Variants in CYRIB observed in about 807,000 individuals in gnomAD.
CYRIB encodes the protein CYFIP related Rac1 interactor B.
CYRIB carries 8 observed loss-of-function variants against 44.2 expected under a neutral mutation model. That is an observed-to-expected ratio of 0.18 (90% CI 0.11 to 0.33). The LOEUF is 0.33. Ranked by LOEUF, CYRIB falls within the 10% of genes least tolerant of loss-of-function variation. The pLI is 1.00. For synonymous variants in CYRIB, 131 were observed against 127.2 expected, an observed-to-expected ratio of 1.03 and a Z score of -0.20; for missense variants, 185 against 382.8, an observed-to-expected ratio of 0.48 and a Z score of 4.31.
intron 1 of CYRIB, among the ~76,000 whole-genome samples, chr8:129,984,149 A>C (rs1217656751): frequency 6.6e-6 from 1 of 152,220 alleles, no homozygotes; most frequent in Non-Finnish European, 1.5e-5. Context: ...AGCACTATTT[A>C]GGGCTGTGGC....
At chr8:129,970,439 A>C (rs1235978824) in intron 2 of CYRIB, 2 of 130,904 alleles carry the variant, frequency 1.5e-5, no homozygotes, top group Non-Finnish European at 3.2e-5. Context: ...TTTTTTTTTG[A>C]GACGGAGTCT....
At chr8:129,981,216 T>C (rs1564591087) in intron 1 of CYRIB, among the ~76,000 whole-genome samples, 1 of 152,044 alleles carries the variant, frequency 6.6e-6, no homozygotes, top group Non-Finnish European at 1.5e-5. Context: ...CTCGGCTCAC[T>C]GCAACCTCCA....
At chr8:129,925,316 T>C (rs1450620007) in intron 1 of CYRIB, among the ~76,000 whole-genome samples, 1 of 152,140 alleles carries the variant, frequency 6.6e-6, no homozygotes, top group Non-Finnish European at 1.5e-5. Flanking sequence ...GAGAATTGCT[T>C]GAACCAGGGA....
At chr8:130,008,103 G>C (rs2097145782) in intron 1 of CYRIB, among the ~76,000 whole-genome samples, 1 of 152,068 alleles carries the variant, frequency 6.6e-6, no homozygotes, top group South Asian at 2.1e-4. Flanking sequence ...CAGCTACTCG[G>C]GAGGCTGAGG....
chr8:129,882,349 TA>T (rs1408811364), intron 2 of CYRIB, among the ~76,000 whole-genome samples: 1 of 152,220 alleles, frequency 6.6e-6, no homozygotes, highest in African/African-American at 2.4e-5. Flanking sequence ...AAATTCCTAT[TA>T]TGAGGGTTAA....
At position 129,931,675 on chromosome 8, in the gene CYRIB, A is replaced by G. The variant is rs189277660; in HGVS notation, c.-50+7933T>C. Among the ~76,000 whole-genome samples, 70 of 152,264 alleles carry G rather than the reference A, an allele frequency of 4.6e-4. No homozygotes were observed. The South Asian group carries it at 0.01, about 22-fold the overall frequency. ...AGAGTCTCCCTCTGTCACCCAGGCT[A>G]GAATGCAGTGGCATGATCTTGGCTC... On this transcript the variant is annotated intron_variant, in intron 1 of 11. Coordinates refer to ENST00000519824, the Ensembl canonical transcript of CYRIB.
chr8:129,945,348 G>A (rs2094061166), intron 2 of CYRIB, among the ~76,000 whole-genome samples: 1 of 152,206 alleles, frequency 6.6e-6, no homozygotes, highest in South Asian at 2.1e-4. Flanking sequence ...TGCTCTGGAT[G>A]TAACTTAGGC....
chr8:129,898,868 G>A (rs1408246978), intron 2 of CYRIB, among the ~76,000 whole-genome samples: 1 of 151,676 alleles, frequency 6.6e-6, no homozygotes, highest in Non-Finnish European at 1.5e-5. Flanking sequence ...GTTTTACTTT[G>A]CCTTTCTTTT....
chr8:129,848,856 G>A (rs1461886164), intron 10 of CYRIB, among the ~76,000 whole-genome samples: 1 of 152,108 alleles, frequency 6.6e-6, no homozygotes. Context: ...ACAGGCATGA[G>A]CCAGCACGCC....
intron 1 of CYRIB, among the ~76,000 whole-genome samples, chr8:129,972,571 C>G (rs753536825): frequency 2.6e-5 from 4 of 152,082 alleles, no homozygotes; most frequent in Non-Finnish European, 5.9e-5. Context: ...CAACCCGTCT[C>G]CAAAGAAAAT....
intron 2 of CYRIB, among the ~76,000 whole-genome samples, chr8:129,969,665 C>T (rs1216695190): frequency 6.6e-6 from 1 of 152,200 alleles, no homozygotes; most frequent in African/African-American, 2.4e-5. Flanking sequence ...GTCTTTCCTT[C>T]AGCACTGGAT....
chr8:129,884,828 C>G (rs141798087), intron 2 of CYRIB, among the ~76,000 whole-genome samples: 371 of 152,256 alleles, frequency 2.4e-3, no homozygotes, highest in African/African-American at 7.6e-3. Context: ...ACATGGTTTA[C>G]CTCAGGAGTT....
chr8:129,952,593 T>G (rs562790438), intron 2 of CYRIB, among the ~76,000 whole-genome samples: 3 of 152,246 alleles, frequency 2.0e-5, no homozygotes, highest in Non-Finnish European at 4.4e-5. Flanking sequence ...TGAACCATTT[T>G]GTTTGTCCAA....
At chr8:129,871,604 T>C in intron 3 of CYRIB, 108 bp from the exon 6 acceptor site, 3 of 1,087,658 alleles carry the variant, frequency 2.8e-6, no homozygotes, top group Admixed American at 2.9e-5. Flanking sequence ...GAGTTAATTC[T>C]AGTTAATGTT....
chr8:129,940,780 T>C (rs1211484847), upstream of CYRIB, among the ~76,000 whole-genome samples: 2 of 152,162 alleles, frequency 1.3e-5, no homozygotes, highest in African/African-American at 4.8e-5. Context: ...TAAATGATTA[T>C]GAACATTTTG....
chr8:129,874,443 AAAT>A (rs1207690231), intron 3 of CYRIB, among the ~76,000 whole-genome samples: 1 of 152,086 alleles, frequency 6.6e-6, no homozygotes, highest in Non-Finnish European at 1.5e-5. Context: ...TGAAATGAAA[AAAT>A]AAAAAGTCAA....
intron 1 of CYRIB, among the ~76,000 whole-genome samples, chr8:129,928,890 C>G (rs2089638067): frequency 6.6e-6 from 1 of 152,118 alleles, no homozygotes; most frequent in Admixed American, 6.5e-5. Flanking sequence ...TTGGCAGTTT[C>G]TTTAAAAATT....
At chr8:129,846,868 C>A in exon 11 of CYRIB, 1 of 1,579,694 alleles carries the variant, frequency 6.3e-7, no homozygotes, top group Non-Finnish European at 8.5e-7. Context: ...TTGATACAAC[C>A]TTTCATCTAA....
intron 1 of CYRIB, among the ~76,000 whole-genome samples, chr8:129,918,936 T>C (rs1018947972): frequency 2.0e-5 from 3 of 152,232 alleles, no homozygotes; most frequent in African/African-American, 7.2e-5. Flanking sequence ...TAGAAAAATA[T>C]GTAATTTCTC....
Sources: gnomAD v4.1 joint callset for allele counts (sites outside exome capture counted in the v4.1 genomes callset) on GRCh38, gnomAD v4.1.1 for gene constraint, MANE v1.5 for transcripts, NCBI Gene and HGNC (gene_info 2026-07-23, HGNC 2026-07-21) for gene names.